The following SLC35F4 variants were observed in gnomAD, a reference collection of about 807,000 sequenced individuals.
SLC35F4 encodes chromosome 14 open reading frame 36.
In SLC35F4, 24 loss-of-function variants were observed where a neutral mutation model predicts 44.2. The observed-to-expected ratio is 0.54, with a 90% CI of 0.39 to 0.76. SLC35F4 has a LOEUF of 0.76. SLC35F4 is among the 30% of genes least tolerant of loss of function. The probability of loss-of-function intolerance (pLI) is 0.00; values close to 1 mark genes in which losing one functional copy is unlikely to be tolerated. For missense variants in SLC35F4, 562 were observed against 586.1 expected (o/e 0.96, Z 0.42); for synonymous variants, 238 against 223.6 (o/e 1.06, Z -0.57).
intron 1 of SLC35F4, among the ~76,000 whole-genome samples, chr14:57,905,402 G>A (rs1889087443): frequency 6.6e-6 from 1 of 152,178 alleles, no homozygotes; most frequent in African/African-American, 2.4e-5. Context: ...AGTCATAAAG[G>A]TCAACCCTGA....
intron 1 of SLC35F4, among the ~76,000 whole-genome samples, chr14:57,933,595 G>A (rs1037017198): frequency 6.6e-6 from 1 of 152,200 alleles, no homozygotes; most frequent in Non-Finnish European, 1.5e-5. Context: ...CCAAGAAGGG[G>A]TTGGCAGAAG....
In SLC35F4 at chr14:57,589,441, C is replaced by G. The variant is rs373554837; in HGVS notation, c.362G>C (p.Cys121Ser). ...ENRIKARCLS[C>S]TSMVLKGIWG... ...GATGCCCTTCAGAACCATGGACGTG[C>G]AGGACAGGCAGCGAGCCTTGATTCT... The change falls in exon 3 of 8, where the codon TGC (cysteine) becomes TCC (serine). Residue 121 changes from cysteine to serine, a missense_variant. Physicochemically the swap from Cys to Ser is moderately radical, Grantham distance 112. Transcript: ENST00000556826. 6.7e-5 allele frequency: 108 copies of G among 1,613,766 alleles called. 1 individual carries two copies. Among genetic ancestry groups the G allele is most frequent in the Admixed American group, 1.3e-4 (8 of 59,980 alleles).
At chr14:57,915,497 C>G (rs185760077) in intron 1 of SLC35F4, among the ~76,000 whole-genome samples, 4 of 152,238 alleles carry the variant, frequency 2.6e-5, no homozygotes, top group African/African-American at 9.6e-5. Flanking sequence ...TTAAAATCAT[C>G]TATCTTCTTC....
chr14:57,751,603 GT>G (rs1169432980), intron 1 of SLC35F4, among the ~76,000 whole-genome samples: 1 of 151,896 alleles, frequency 6.6e-6, no homozygotes, highest in Non-Finnish European at 1.5e-5. Flanking sequence ...TCTAGACTGT[GT>G]TTTTTTTACT....
At chr14:57,795,191 T>C (rs1321057151) in intron 1 of SLC35F4, among the ~76,000 whole-genome samples, 3 of 152,202 alleles carry the variant, frequency 2.0e-5, no homozygotes, top group African/African-American at 4.8e-5. Context: ...TATCCCTTCC[T>C]AGTCAGTTTG....
At chr14:57,637,558 C>T (rs766499336) in intron 1 of SLC35F4, among the ~76,000 whole-genome samples, 6 of 152,068 alleles carry the variant, frequency 3.9e-5, no homozygotes, top group South Asian at 2.1e-4. Flanking sequence ...GGATCCTCTC[C>T]GAGGATGGTT....
At chr14:57,628,188 C>G (rs1310535615) in intron 1 of SLC35F4, among the ~76,000 whole-genome samples, 1 of 150,990 alleles carries the variant, frequency 6.6e-6, no homozygotes, top group African/African-American at 2.4e-5. Context: ...CATACATCTT[C>G]CTATTTACGA....
At chr14:57,754,985 C>T (rs1430692607) in intron 1 of SLC35F4, among the ~76,000 whole-genome samples, 1 of 152,136 alleles carries the variant, frequency 6.6e-6, no homozygotes, top group Non-Finnish European at 1.5e-5. Context: ...AGTCAGTCTG[C>T]CCCTTCTCAA....
At chr14:57,886,514 A>C (rs933204079) in intron 1 of SLC35F4, among the ~76,000 whole-genome samples, 3 of 152,232 alleles carry the variant, frequency 2.0e-5, no homozygotes, top group African/African-American at 7.2e-5. Flanking sequence ...GGATAAAATC[A>C]TATCCCTATT....
chr14:57,703,913 G>A (rs1231849254), intron 1 of SLC35F4, among the ~76,000 whole-genome samples: 1 of 152,058 alleles, frequency 6.6e-6, no homozygotes, highest in East Asian at 1.9e-4. Flanking sequence ...GCTGTATCCT[G>A]TTCTCTGGAA....
At chr14:57,911,736 T>C (rs1292415387) in intron 1 of SLC35F4, among the ~76,000 whole-genome samples, 1 of 152,028 alleles carries the variant, frequency 6.6e-6, no homozygotes, top group Non-Finnish European at 1.5e-5. Context: ...AAGATACATA[T>C]AGTTTTCTTA....
Position 57,865,894 on chromosome 14 carries a change from G to T in SLC35F4, c.-69C>A. On this transcript the variant is annotated 5_prime_UTR_variant, in exon 1 of 8. Coordinates refer to ENST00000556826, the MANE Select transcript of SLC35F4 (RefSeq NM_001306087.2). ...CGCAGCGCGGGGCCCGGGAGCTGGT[G>T]CAGGTGCCGGAGCCGCTGGTGCTGA... 8.8e-7 allele frequency: 1 copy of T among 1,137,606 alleles called. No individual in the cohort carries two copies. Among genetic ancestry groups the T allele is most frequent in the Non-Finnish European group, 1.2e-6 (1 of 829,894 alleles). 70.5% of individuals were successfully genotyped at this position (1,137,606 alleles called of 1,614,324 possible). A position where few individuals can be genotyped will look rare whatever the true frequency, so the allele number is the denominator to read the frequency against.
At chr14:57,960,969 G>A (rs998647080) in intron 1 of SLC35F4, among the ~76,000 whole-genome samples, 26 of 152,150 alleles carry the variant, frequency 1.7e-4, no homozygotes, top group Non-Finnish European at 2.5e-4. Context: ...CTGAACACAT[G>A]TGAAGAGTGA....
At chr14:57,568,696 T>C (rs2068329868) in intron 6 of SLC35F4, among the ~76,000 whole-genome samples, 1 of 152,070 alleles carries the variant, frequency 6.6e-6, no homozygotes, top group Non-Finnish European at 1.5e-5. Flanking sequence ...AATAAGAACA[T>C]TTAGCTCCCA....
intron 1 of SLC35F4, among the ~76,000 whole-genome samples, chr14:57,898,539 C>T (rs1217752260): frequency 6.6e-6 from 1 of 152,170 alleles, no homozygotes; most frequent in Non-Finnish European, 1.5e-5. Flanking sequence ...GAAGCAGACC[C>T]ATGAAAACAT....
intron 1 of SLC35F4, among the ~76,000 whole-genome samples, chr14:57,768,747 TG>T (rs1290134116): frequency 6.6e-6 from 1 of 151,550 alleles, no homozygotes; most frequent in Non-Finnish European, 1.5e-5. Flanking sequence ...CTTGGGTTCT[TG>T]GTTTTTTTTT....
intron 1 of SLC35F4, among the ~76,000 whole-genome samples, chr14:57,693,397 T>C (rs1383857565): frequency 1.4e-5 from 2 of 143,554 alleles, no homozygotes; most frequent in South Asian, 2.1e-4. Context: ...CACTGGAAGG[T>C]TGTGGGTTTA....
chr14:57,884,328 G>A (rs1888601707), intron 1 of SLC35F4, among the ~76,000 whole-genome samples: 2 of 152,048 alleles, frequency 1.3e-5, no homozygotes, highest in African/African-American at 4.8e-5. Context: ...AAATCAACCA[G>A]CAGAGTATAT....
chr14:57,574,613 T>C (rs950258377), intron 4 of SLC35F4, among the ~76,000 whole-genome samples: 3 of 152,218 alleles, frequency 2.0e-5, no homozygotes, highest in African/African-American at 7.2e-5. Flanking sequence ...ATTTCAAAAA[T>C]ATCTGATAGG....
Sources: gnomAD v4.1 joint callset for allele counts (sites outside exome capture counted in the v4.1 genomes callset) on GRCh38, gnomAD v4.1.1 for gene constraint, MANE v1.5 for transcripts, NCBI Gene and HGNC (gene_info 2026-07-23, HGNC 2026-07-21) for gene names.